The following TF variants were observed in gnomAD, a reference collection of about 807,000 sequenced individuals.
TF encodes transferrin.
In TF, 55 loss-of-function variants were observed where a neutral mutation model predicts 82.4. The observed-to-expected ratio is 0.67, with a 90% confidence interval of 0.54 to 0.84. TF has a LOEUF of 0.84. Ranked by LOEUF, TF falls within the 40% of genes least tolerant of loss-of-function variation. The probability of loss-of-function intolerance (pLI) is 0.00; values close to 1 mark genes in which losing one functional copy is unlikely to be tolerated. For missense variants in TF, 737 were observed against 868.4 expected (o/e 0.85, Z 1.90); for synonymous variants, 332 against 332.6 (o/e 1.00, Z 0.02).
chr3:133,770,644 A>G, intron 14 of TF, 72 bp downstream of exon 14: 4 of 1,491,344 alleles, frequency 2.7e-6, no homozygotes, highest in Non-Finnish European at 3.7e-6. Flanking sequence ...GTATTCAGGG[A>G]TGCCTTTGTG....
chr3:133,748,797 A>C, intron 2 of TF: 1 of 597,388 alleles, frequency 1.7e-6, no homozygotes, highest in Non-Finnish European at 3.0e-6. Flanking sequence ...TTTGCTTTCC[A>C]GACACAGTAG....
At chr3:133,729,095 G>C in the TF span, among the ~76,000 whole-genome samples, 1 of 152,166 alleles carries the variant, frequency 6.6e-6, no homozygotes, top group African/African-American at 2.4e-5. Context: ...AGGCTGCTTG[G>C]GGGTCAGGGG....
chr3:133,669,265 G>A, the TF span, among the ~76,000 whole-genome samples: 19 of 152,262 alleles, frequency 1.2e-4, no homozygotes, highest in South Asian at 2.1e-4. Flanking sequence ...GCCTCCCAAA[G>A]TGCTGGGATT....
chr3:133,763,722 T>G (rs948883590), intron 9 of TF, among the ~76,000 whole-genome samples: 6 of 152,246 alleles, frequency 3.9e-5, no homozygotes, highest in African/African-American at 1.2e-4. Context: ...ATTAAACATG[T>G]TGTATGCACC....
chr3:133,732,364 CAAAACGGACCAATCAGCACTCTGT>C, the TF span, among the ~76,000 whole-genome samples: 1 of 152,090 alleles, frequency 6.6e-6, no homozygotes, highest in African/African-American at 2.4e-5. Context: ...AGCATGCTGT[CAAAACGGACCAATCAGCACTCTGT>C]AAAACGGACC....
upstream of TF, among the ~76,000 whole-genome samples, chr3:133,744,626 G>A (rs776661665): frequency 6.6e-6 from 1 of 152,172 alleles, no homozygotes; most frequent in Non-Finnish European, 1.5e-5. Context: ...GACGGGCAAG[G>A]GGGGAGTAAG....
chr3:133,711,973 C>G, the TF span, among the ~76,000 whole-genome samples: 1 of 152,100 alleles, frequency 6.6e-6, no homozygotes, highest in Admixed American at 6.5e-5. Context: ...GTCTGGAGGG[C>G]TCTTCCCCTC....
At chr3:133,712,455 C>A in the TF span, among the ~76,000 whole-genome samples, 1 of 152,166 alleles carries the variant, frequency 6.6e-6, no homozygotes, top group South Asian at 2.1e-4. Context: ...AGCTCACAGA[C>A]CCTTGATCCA....
chr3:133,699,384 T>G, the TF span: 1 of 867,894 alleles, frequency 1.2e-6, no homozygotes, highest in East Asian at 5.0e-5. Context: ...GGGGCATGGG[T>G]CATCCTAACT....
chr3:133,699,489 T>G, the TF span: 17 of 1,205,544 alleles, frequency 1.4e-5, no homozygotes, highest in African/African-American at 1.9e-4. Context: ...TGAGCTGCTT[T>G]GCCTGAACAA....
the TF span, among the ~76,000 whole-genome samples, chr3:133,663,057 A>G: frequency 6.6e-5 from 10 of 152,062 alleles, no homozygotes; most frequent in African/African-American, 2.4e-4. Context: ...AGAACCCTCT[A>G]CCCTCAATAT....
chr3:133,679,497 AC>A, the TF span, among the ~76,000 whole-genome samples: 1 of 151,062 alleles, frequency 6.6e-6, no homozygotes, highest in Non-Finnish European at 1.5e-5. Flanking sequence ...ACTTTCTGCC[AC>A]TATAGATAAG....
intron 9 of TF, chr3:133,760,991 A>G (rs1166641891): frequency 6.5e-6 from 1 of 153,908 alleles, no homozygotes; most frequent in Non-Finnish European, 1.5e-5. Flanking sequence ...GTGACACATC[A>G]TCACTGTCAA....
the TF span, among the ~76,000 whole-genome samples, chr3:133,686,865 A>G: frequency 5.9e-5 from 9 of 152,366 alleles, no homozygotes; most frequent in Middle Eastern, 0.01. Flanking sequence ...AAAGGACTGT[A>G]AATCATGCTG....
At chr3:133,694,871 TTTATTTATTTATTTA>T in the TF span, among the ~76,000 whole-genome samples, 42 of 113,736 alleles carry the variant, frequency 3.7e-4, no homozygotes, top group Admixed American at 9.6e-4. Context: ...TATTTATTTA[TTTATTTATTTATTTA>T]TTATTATTAT....
chr3:133,711,892 G>T, the TF span, among the ~76,000 whole-genome samples: 80 of 152,002 alleles, frequency 5.3e-4, no homozygotes, highest in African/African-American at 1.9e-3. Flanking sequence ...AGTCCTGAAG[G>T]CCTCCATGAG....
At chr3:133,757,428 T>C (rs1310342471) in intron 7 of TF, among the ~76,000 whole-genome samples, 1 of 152,202 alleles carries the variant, frequency 6.6e-6, no homozygotes, top group Non-Finnish European at 1.5e-5. Flanking sequence ...TGATTTGGGC[T>C]CAGCCAGCTT....
chr3:133,733,874 A>AAAAC, the TF span, among the ~76,000 whole-genome samples: 13 of 151,248 alleles, frequency 8.6e-5, no homozygotes, highest in African/African-American at 2.9e-4. Context: ...AAACAAAAAA[A>AAAAC]AAAAAAACAT....
chr3:133,706,492 A>G, the TF span, among the ~76,000 whole-genome samples: 3 of 152,082 alleles, frequency 2.0e-5, no homozygotes, highest in South Asian at 4.2e-4. Flanking sequence ...GACCAGCAGC[A>G]TCAGCATCCC....
Sources: gnomAD v4.1 joint callset for allele counts (sites outside exome capture counted in the v4.1 genomes callset) on GRCh38, gnomAD v4.1.1 for gene constraint, MANE v1.5 for transcripts, NCBI Gene and HGNC (gene_info 2026-07-23, HGNC 2026-07-21) for gene names.